The following CELF6 variants were observed in gnomAD, a reference collection of about 807,000 sequenced individuals.
CELF6 encodes Bruno -like 6, RNA binding protein.
CELF6 carries 32 observed loss-of-function variants against 53.1 expected under a neutral mutation model. The observed-to-expected ratio is 0.60, with a 90% CI of 0.46 to 0.81. The LOEUF is 0.81. Among genes scored for constraint, CELF6 ranks in the 30% least tolerant of loss-of-function variants. The probability of loss-of-function intolerance (pLI) is 0.00; values close to 1 mark genes in which losing one functional copy is unlikely to be tolerated. For synonymous variants in CELF6, 291 were observed against 288.8 expected, an observed-to-expected ratio of 1.01 and a Z score of -0.08; for missense variants, 539 against 669.5, an observed-to-expected ratio of 0.81 and a Z score of 2.15.
chr15:72,298,366 TTAATTGGATAACAGA>T (rs1360954152), intron 3 of CELF6, among the ~76,000 whole-genome samples: 1 of 152,192 alleles, frequency 6.6e-6, no homozygotes, highest in African/African-American at 2.4e-5. Context: ...GATAGGAGGG[TTAATTGGATAACAGA>T]TAATTGGCTT....
At chr15:72,317,393 T>A (rs531803807) in intron 1 of CELF6, among the ~76,000 whole-genome samples, 1 of 152,194 alleles carries the variant, frequency 6.6e-6, no homozygotes, top group Non-Finnish European at 1.5e-5. Flanking sequence ...TGGCCTCTTC[T>A]ACAGGGCTGC....
Position 72,289,253 on chromosome 15 carries a change from G to T in CELF6, c.915C>A (p.Thr305=). ...CGATGGGCGCCGGAAGACCTGGGAG[G>T]GTGCCAGGGCCGCTGCCAGGCGGGG... is the stretch of plus-strand genomic sequence containing the variant. ...ANSPPGSGPG[T]LPGLPAPIGV... The change falls in exon 8 of 13, where the codon ACC becomes ACA. Residue 305 remains threonine, a synonymous_variant. Transcript: ENST00000287202. The surrounding 1 kb of genome is among the most constrained non-coding windows in gnomAD (Gnocchi z 7.6). 6.3e-7 allele frequency: 1 copy of T among 1,583,784 alleles called. No individual in the cohort carries two copies. Among genetic ancestry groups the T allele is most frequent in the Non-Finnish European group, 8.6e-7 (1 of 1,169,390 alleles).
chr15:72,317,792 G>A (rs998661183), intron 1 of CELF6, among the ~76,000 whole-genome samples: 6 of 152,110 alleles, frequency 3.9e-5, no homozygotes, highest in African/African-American at 1.2e-4. Context: ...ATCACCTGAC[G>A]TCCAAACCGG....
intron 1 of CELF6, among the ~76,000 whole-genome samples, chr15:72,318,933 T>C (rs2088394005): frequency 6.6e-6 from 1 of 151,734 alleles, no homozygotes; most frequent in South Asian, 2.1e-4. Context: ...TCAAAAGAGG[T>C]AGAGTGCATT....
intron 1 of CELF6, 95 bp from the exon 2 acceptor site, chr15:72,316,022 T>G (rs2088359808): frequency 1.3e-6 from 1 of 791,600 alleles, no homozygotes; most frequent in Admixed American, 2.5e-5. Context: ...AAGGCCACTC[T>G]CCTTTAAGCA....
intron 2 of CELF6, among the ~76,000 whole-genome samples, chr15:72,315,185 CT>C (rs2088347607): frequency 6.6e-6 from 1 of 152,224 alleles, no homozygotes; most frequent in Admixed American, 6.5e-5. Context: ...TATAGTATGA[CT>C]TGCTCTTGGT....
intron 2 of CELF6, among the ~76,000 whole-genome samples, chr15:72,311,139 T>TTTAC (rs1395670594): frequency 6.6e-6 from 1 of 151,666 alleles, no homozygotes; most frequent in African/African-American, 2.4e-5. Context: ...TCTTTATTCC[T>TTTAC]TTATTTATTT....
At position 72,320,034 on chromosome 15, in the gene CELF6, G is replaced by A. The variant is rs2088410725; in HGVS notation, c.-160C>T. On this transcript the variant is annotated 5_prime_UTR_variant, in exon 1 of 13. Coordinates refer to ENST00000287202, the MANE Select transcript of CELF6 (RefSeq NM_052840.5). ...GGGGTCCGGGTGGAGGGGCGTAGAG[G>A]GGGTGGGGCGGGCAGGAAAGGGGCG... is the stretch of plus-strand genomic sequence containing the variant. 2 of 651,164 alleles carry A rather than the reference G, an allele frequency of 3.1e-6. No individual in the cohort carries two copies. The highest frequency in any genetic ancestry group is 5.5e-6 in the Non-Finnish European group (2 of 363,776). The allele number at this position is 651,164 out of a possible 1,614,324, so 40.3% of individuals were successfully genotyped here. A position where few individuals can be genotyped will look rare whatever the true frequency, so the allele number is the denominator to read the frequency against.
chr15:72,306,350 C>T, intron 2 of CELF6: 2 of 959,016 alleles, frequency 2.1e-6, no homozygotes, highest in African/African-American at 1.8e-5. Flanking sequence ...GATCTGACCC[C>T]CTCCCCTCAG....
chr15:72,318,742 C>G (rs917708265), intron 1 of CELF6, among the ~76,000 whole-genome samples: 2 of 152,076 alleles, frequency 1.3e-5, no homozygotes, highest in African/African-American at 4.8e-5. Context: ...GGACTGGGAC[C>G]AGCCTGTGAG....
At chr15:72,308,220 TG>T (rs554010745) in intron 2 of CELF6, among the ~76,000 whole-genome samples, 7 of 144,422 alleles carry the variant, frequency 4.8e-5, no homozygotes, top group Admixed American at 6.6e-5. Context: ...AAAAAGTTAT[TG>T]TTTTTTTTTG....
intron 3 of CELF6, 37 bp from the exon 4 acceptor site, chr15:72,290,292 G>T: frequency 6.2e-7 from 1 of 1,602,070 alleles, no homozygotes. Flanking sequence ...GGGACCCCAA[G>T]TCTTCCTAGA....
At chr15:72,294,854 T>C (rs892647516) in intron 3 of CELF6, among the ~76,000 whole-genome samples, 2 of 151,824 alleles carry the variant, frequency 1.3e-5, no homozygotes, top group Non-Finnish European at 2.9e-5. Flanking sequence ...GGCATGTGTC[T>C]GTAGTCCCAG....
chr15:72,315,884 C>T lies in CELF6; in HGVS notation c.306G>A (p.Lys102=). ...LTYCARDSAL[K]AQSALHEQKT... Reference sequence around the variant, plus strand: ...TCTGCTCGTGCAGTGCACTCTGGGCCTTGAGAGCAGAGTCCCGGGCGCAGT... The same window carrying T: ...TCTGCTCGTGCAGTGCACTCTGGGCTTTGAGAGCAGAGTCCCGGGCGCAGT... The change falls in exon 2 of 13, where the codon AAG becomes AAA. Residue 102 remains lysine (K), a synonymous_variant. Coordinates refer to ENST00000287202, the MANE Select transcript of CELF6 (RefSeq NM_052840.5). 6.2e-7 allele frequency: 1 copy of T among 1,608,264 alleles called. No individual in the cohort carries two copies. The highest frequency in any genetic ancestry group is 8.5e-7 in the Non-Finnish European group (1 of 1,177,648).
Position 72,319,995 on chromosome 15 carries a change from G to A in CELF6, c.-121C>T. 3 of 1,148,650 alleles carry A rather than the reference G, an allele frequency of 2.6e-6. No homozygotes were observed. Among genetic ancestry groups the A allele is most frequent in the Non-Finnish European group, 3.5e-6 (3 of 855,652 alleles). The allele number at this position is 1,148,650 out of a possible 1,614,324, so 71.2% of individuals were successfully genotyped here. Reference sequence around the variant, plus strand: ...GGAGCCCGGGCGGAGAGGGCGGGGGGCTGCCCAGGGGGCGGGGTCCGGGTG... The same window carrying A: ...GGAGCCCGGGCGGAGAGGGCGGGGGACTGCCCAGGGGGCGGGGTCCGGGTG... On this transcript the variant is annotated 5_prime_UTR_variant, in exon 1 of 13. Transcript: ENST00000287202. This position sits in a 1 kb window ranked among gnomAD's most constrained non-coding sequence, Gnocchi z 5.0.
Position 72,289,876 on chromosome 15 carries a change from G to T in CELF6, c.603+63C>A, listed in dbSNP as rs895496676. The T allele has an allele frequency of 2.4e-5, 37 of 1,523,332 alleles. No individual in the cohort carries two copies. In the Admixed American group the frequency reaches 7.2e-4, roughly 30 times the overall value. 94.4% of individuals were successfully genotyped at this position (1,523,332 alleles called of 1,614,324 possible). On this transcript the variant is annotated intron_variant, in intron 5 of 12. Coordinates refer to ENST00000287202, the MANE Select transcript of CELF6 (RefSeq NM_052840.5). The surrounding 1 kb of genome is among the most constrained non-coding windows in gnomAD (Gnocchi z 7.6). Reference sequence around the variant, plus strand: ...CTTTCGCGGGGCACCGAGCACACTCGGGGAGGAGAAGCCCGTCCCCACCCC... The same window carrying T: ...CTTTCGCGGGGCACCGAGCACACTCTGGGAGGAGAAGCCCGTCCCCACCCC...
At position 72,289,846 on chromosome 15, in the gene CELF6, A is replaced by C. The variant is rs1350049352; in HGVS notation, c.604-76T>G. 1 of 1,493,550 alleles carries C rather than the reference A, an allele frequency of 6.7e-7. No homozygotes were observed. The highest frequency in any genetic ancestry group is 8.9e-7 in the Non-Finnish European group (1 of 1,124,722). 92.5% of individuals were successfully genotyped at this position (1,493,550 alleles called of 1,614,324 possible). A position where few individuals can be genotyped will look rare whatever the true frequency, so the allele number is the denominator to read the frequency against. On this transcript the variant is annotated intron_variant, in intron 5 of 12. Coordinates refer to ENST00000287202, the MANE Select transcript of CELF6 (RefSeq NM_052840.5). This position sits in a 1 kb window ranked among gnomAD's most constrained non-coding sequence, Gnocchi z 7.6. ...CCCGGGGCCGAGCGCCTTTCCCATC[A>C]GGTCCTTTCGCGGGGCACCGAGCAC...
chr15:72,288,879 T>A lies in CELF6; in HGVS notation c.1082A>T (p.His361Leu). 6.4e-7 allele frequency: 1 copy of A among 1,550,956 alleles called. No individual in the cohort carries two copies. The highest frequency in any genetic ancestry group is 1.2e-5 in the South Asian group (1 of 84,074). ...GCGCCAAGTGAAACCTGCGTAGTGG[T>A]GCATCCCAGCGTAGGCCTGCTGCAG... ...DPLQQAYAGM[H>L]HYAAAYPSAY... The change falls in exon 9 of 13, where the codon CAC becomes CTC. Residue 361 changes from histidine (H) to leucine (L), a missense_variant. By Grantham distance (99) the His-to-Leu change is moderately conservative. Coordinates refer to ENST00000287202, the MANE Select transcript of CELF6 (RefSeq NM_052840.5). This position sits in a 1 kb window ranked among gnomAD's most constrained non-coding sequence, Gnocchi z 4.6.
intron 3 of CELF6, among the ~76,000 whole-genome samples, chr15:72,295,500 G>A (rs956849441): frequency 6.6e-6 from 1 of 151,752 alleles, no homozygotes; most frequent in Non-Finnish European, 1.5e-5. Context: ...AGGCCGAGGC[G>A]GGCAGATCAT....
Sources: gnomAD v4.1 joint callset for allele counts (sites outside exome capture counted in the v4.1 genomes callset) on GRCh38, gnomAD v4.1.1 for gene constraint, Gnocchi (gnomAD v3.1) non-coding constraint, MANE v1.5 for transcripts, NCBI Gene and HGNC (gene_info 2026-07-23, HGNC 2026-07-21) for gene names.